NID2: variants seen among roughly 807,000 people sequenced by gnomAD.
NID2 encodes nidogen-2.
Under a neutral mutation model 145.4 loss-of-function variants are expected in NID2, and 83 were observed. The observed-to-expected ratio is 0.57, with a 90% CI of 0.48 to 0.69. NID2 has a LOEUF of 0.69. Among genes scored for constraint, NID2 ranks in the 30% least tolerant of loss-of-function variants. The pLI is 0.00. For synonymous variants in NID2, 739 were observed against 701.3 expected, an observed-to-expected ratio of 1.05 and a Z score of -0.85; for missense variants, 1,807 against 1,765.7, an observed-to-expected ratio of 1.02 and a Z score of -0.42.
At chr14:52,010,395 A>G in intron 18 of NID2, 1 of 153,174 alleles carries the variant, frequency 6.5e-6, no homozygotes, top group East Asian at 1.9e-4. Context: ...GACAGGGAAA[A>G]TGTTTATCTT....
Position 52,005,368 on chromosome 14 carries a change from G to A in NID2, c.*118C>T. The A allele has an allele frequency of 1.1e-6, 1 of 924,174 alleles. No individual in the cohort carries two copies. Among genetic ancestry groups the A allele is most frequent in the Non-Finnish European group, 1.5e-6 (1 of 649,800 alleles). 57.2% of individuals were successfully genotyped at this position (924,174 alleles called of 1,614,324 possible). On this transcript the variant is annotated 3_prime_UTR_variant, in exon 22 of 22. Coordinates refer to ENST00000216286, the MANE Select transcript of NID2 (RefSeq NM_007361.4). ...TTTGCACTACAAAATGTTCATCTTG[G>A]ATGCTCAGGAACGTCTAATGGCCAA... is the stretch of plus-strand genomic sequence containing the variant.
chr14:52,065,456 C>CT (rs59908743), intron 2 of NID2, among the ~76,000 whole-genome samples: 16,020 of 128,504 alleles, frequency 0.12, 1,156 homozygotes, highest in Middle Eastern at 0.22. Context: ...ATCCTCCTTT[C>CT]TTTTTTTTTT....
chr14:52,040,587 T>C, intron 8 of NID2, 64 bp downstream of exon 8: 1 of 1,402,170 alleles, frequency 7.1e-7, no homozygotes, highest in Non-Finnish European at 1.0e-6. Flanking sequence ...ATTTAAGCCT[T>C]GTATCTATCT....
chr14:52,037,488 T>C (rs1341814560), intron 9 of NID2, among the ~76,000 whole-genome samples: 1 of 152,176 alleles, frequency 6.6e-6, no homozygotes, highest in Non-Finnish European at 1.5e-5. Flanking sequence ...TTAATGTGAG[T>C]ATTTCTGGGT....
chr14:52,047,985 T>C (rs984406640), intron 5 of NID2, among the ~76,000 whole-genome samples: 39 of 151,620 alleles, frequency 2.6e-4, no homozygotes, highest in African/African-American at 9.2e-4. Context: ...TCTGGGTGCA[T>C]CCTAGCAATC....
At position 52,005,496 on chromosome 14, in the gene NID2, C is replaced by T; in HGVS notation, c.4118G>A (p.Gly1373Glu). 1 of 1,598,450 alleles carries T rather than the reference C, an allele frequency of 6.3e-7. No individual in the cohort carries two copies. The highest frequency in any genetic ancestry group is 8.5e-7 in the Non-Finnish European group (1 of 1,174,168). The change falls in exon 22 of 22, where the codon GGA becomes GAA. Residue 1373 changes from glycine (G) to glutamate (E), a missense_variant and splice_region_variant. By Grantham distance (98) the Gly-to-Glu change is moderately conservative. Transcript: ENST00000216286. ...TTTACATTACTGTACTTACTTTCTTCCTGTGAGAGAAGAGCAGGGGTGGGA... is the reference window on the plus strand; with the variant it reads ...TTTACATTACTGTACTTACTTTCTTTCTGTGAGAGAAGAGCAGGGGTGGGA... Reference protein sequence around the residue: ...ITAVYPYCPTGRK With the variant: ...ITAVYPYCPTERK
At chr14:52,068,674 G>A (rs1893312256) in intron 1 of NID2, 93 bp downstream of exon 1, 6 of 1,134,018 alleles carry the variant, frequency 5.3e-6, no homozygotes, top group South Asian at 1.4e-5. Context: ...CCAGGAGTGG[G>A]GTCTGTTTCC....
At chr14:52,021,438 C>G (rs979053798) in intron 12 of NID2, among the ~76,000 whole-genome samples, 1 of 152,160 alleles carries the variant, frequency 6.6e-6, no homozygotes, top group Non-Finnish European at 1.5e-5. Flanking sequence ...ACCTGCACCA[C>G]CCTTTGTCCA....
intron 14 of NID2, among the ~76,000 whole-genome samples, chr14:52,015,859 C>G (rs1014755728): frequency 1.3e-5 from 2 of 152,200 alleles, no homozygotes; most frequent in Non-Finnish European, 2.9e-5. Context: ...CACTGGAAAA[C>G]TACATGGAGT....
At chr14:52,043,769 A>G (rs1054315630) in intron 5 of NID2, among the ~76,000 whole-genome samples, 1 of 152,202 alleles carries the variant, frequency 6.6e-6, no homozygotes, top group Admixed American at 6.5e-5. Context: ...TCATAAAGGA[A>G]ATAGCCAAGG....
Position 52,005,029 on chromosome 14 carries a change from A to G in NID2, c.*457T>C. On this transcript the variant is annotated 3_prime_UTR_variant, in exon 22 of 22. Coordinates refer to ENST00000216286, the MANE Select transcript of NID2 (RefSeq NM_007361.4). ...AACTTTTGTTGGGAAACTATAAATA[A>G]TTGGTCCTTTCCCATCAGTTCTGCA... 1 of 158,050 alleles carries G rather than the reference A, an allele frequency of 6.3e-6. No individual in the cohort carries two copies. Among genetic ancestry groups the G allele is most frequent in the Non-Finnish European group, 1.4e-5 (1 of 71,918 alleles). 9.8% of individuals were successfully genotyped at this position (158,050 alleles called of 1,614,324 possible). A position where few individuals can be genotyped will look rare whatever the true frequency, so the allele number is the denominator to read the frequency against.
chr14:52,028,875 ATTCTGC>A, intron 10 of NID2, 25 bp from the exon 11 acceptor site: 1 of 1,611,982 alleles, frequency 6.2e-7, no homozygotes, highest in Non-Finnish European at 8.5e-7. Flanking sequence ...GAAGAGAAAA[ATTCTGC>A]TTAATTCAAG....
chr14:52,019,006 T>C (rs1283712504), intron 14 of NID2, 55 bp downstream of exon 14: 2 of 1,401,984 alleles, frequency 1.4e-6, no homozygotes, highest in Non-Finnish European at 2.0e-6. Flanking sequence ...GCAGGAATTA[T>C]GATCTACCTA....
intron 13 of NID2, among the ~76,000 whole-genome samples, 174 bp downstream of exon 13, chr14:52,019,885 A>C (rs1400929253): frequency 6.6e-6 from 1 of 152,202 alleles, no homozygotes; most frequent in African/African-American, 2.4e-5. Context: ...AATGTTACGA[A>C]TCAGTGAACT....
intron 18 of NID2, 90 bp downstream of exon 18, chr14:52,010,784 CTT>C: frequency 7.7e-7 from 1 of 1,304,922 alleles, no homozygotes; most frequent in South Asian, 1.3e-5. Flanking sequence ...CTTTCACTCT[CTT>C]GTTCTGACCT....
intron 9 of NID2, among the ~76,000 whole-genome samples, chr14:52,035,035 C>T (rs191600882): frequency 6.6e-6 from 1 of 152,222 alleles, no homozygotes; most frequent in East Asian, 1.9e-4. Context: ...CCATATCCCC[C>T]CACCCAAAAT....
chr14:52,019,104 C>T lies in NID2; in HGVS notation c.2985G>A (p.Gln995=). ...DPDGHEVPGT[Q]TPPGSTPPHC... is the part of the protein sequence containing the mutation. ...GAGGCGGGGTGGAGCCAGGTGGAGT[C>T]TGGGTACCAGGAACTTCATGACCAT... Residue 995 remains glutamine, a synonymous_variant, in exon 14 of 22, where the codon CAG becomes CAA. Coordinates refer to ENST00000216286, the MANE Select transcript of NID2 (RefSeq NM_007361.4). The T allele has an allele frequency of 6.2e-7, 1 of 1,614,096 alleles. No homozygotes were observed.
At chr14:52,058,977 A>C (rs1320352563) in intron 3 of NID2, among the ~76,000 whole-genome samples, 2 of 152,030 alleles carry the variant, frequency 1.3e-5, no homozygotes, top group African/African-American at 4.8e-5. Context: ...AATGTGGATC[A>C]TAAGGATGGG....
chr14:52,005,893 T>C, intron 20 of NID2, 44 bp from the exon 21 acceptor site: 1 of 1,416,604 alleles, frequency 7.1e-7, no homozygotes, highest in African/African-American at 1.6e-5. Context: ...AGTCATTTAC[T>C]AGATAAAGAA....
Sources: allele counts gnomAD v4.1 joint callset (sites outside exome capture counted in the v4.1 genomes callset), GRCh38; gene constraint gnomAD v4.1.1; transcripts MANE v1.5; gene names NCBI Gene and HGNC (gene_info 2026-07-23, HGNC 2026-07-21).